The following APOBEC3F variants were observed in gnomAD, a reference collection of about 807,000 sequenced individuals.
APOBEC3F encodes DNA dC->dU-editing enzyme APOBEC-3F.
Under a neutral mutation model 45.8 loss-of-function variants are expected in APOBEC3F, and 34 were observed. That is an observed-to-expected ratio of 0.74 (90% CI 0.57 to 0.99). The LOEUF (loss-of-function observed/expected upper bound fraction) is 0.99. Ranked by LOEUF, APOBEC3F falls within the 50% of genes least tolerant of loss-of-function variation. The pLI, the probability that APOBEC3F is intolerant of heterozygous loss-of-function variation, is 0.00. For missense variants in APOBEC3F, 459 were observed against 474.1 expected, an observed-to-expected ratio of 0.97 and a Z score of 0.30; for synonymous variants, 192 against 174.4, an observed-to-expected ratio of 1.10 and a Z score of -0.80.
chr22:39,049,905 G>A (rs575219594), intron 5 of APOBEC3F, among the ~76,000 whole-genome samples: 7 of 151,484 alleles, frequency 4.6e-5, no homozygotes, highest in Non-Finnish European at 8.8e-5. Flanking sequence ...GTTTCACCGT[G>A]GTGACCAGGC....
intron 4 of APOBEC3F, among the ~76,000 whole-genome samples, chr22:39,045,842 G>A (rs1294050711): frequency 1.3e-5 from 2 of 151,696 alleles, no homozygotes; most frequent in African/African-American, 4.8e-5. Flanking sequence ...TGGCATAATC[G>A]AATTTGTCAT....
At position 39,052,687 on chromosome 22, in the gene APOBEC3F, C is replaced by T; in HGVS notation, c.1114C>T (p.Leu372Phe). ...CCTGGACAGCAAGCTGCAGGAGATT[C>T]TCGAGTGAGGGGTCTCCCCGGGCCT... ...LFLDSKLQEI[L>F]E is the part of the protein sequence containing the mutation. The change falls in exon 7 of 7, where the codon CTC becomes TTC. Residue 372 changes from leucine to phenylalanine, a missense_variant. Physicochemically the swap from Leu to Phe is conservative, Grantham distance 22. Coordinates refer to ENST00000308521, the MANE Select transcript of APOBEC3F (RefSeq NM_145298.6). The T allele has an allele frequency of 6.2e-7, 1 of 1,613,096 alleles. No individual in the cohort carries two copies. The highest frequency in any genetic ancestry group is 8.5e-7 in the Non-Finnish European group (1 of 1,179,306).
chr22:39,047,313 C>A (rs1433079667), intron 4 of APOBEC3F, among the ~76,000 whole-genome samples: 1 of 152,134 alleles, frequency 6.6e-6, no homozygotes, highest in Non-Finnish European at 1.5e-5. Flanking sequence ...ATCCAGGAGT[C>A]CCTCTGGAGG....
At chr22:39,043,298 G>GTTT (rs386353176) in intron 2 of APOBEC3F, among the ~76,000 whole-genome samples, 1 of 120,070 alleles carries the variant, frequency 8.3e-6, no homozygotes, top group African/African-American at 3.2e-5. Flanking sequence ...AAGGCCTTGT[G>GTTT]TTTTTTTTTT....
rs1927534207 is a variant in APOBEC3F at position 39,052,361 on chromosome 22, G to A, written c.1003+8G>A. Reference sequence around the variant, plus strand: ...AGATCATGGGCTACAAAGGTGAGACGTTGGGGGGCTGAGGAGAGTGGGTGC... The same window carrying A: ...AGATCATGGGCTACAAAGGTGAGACATTGGGGGGCTGAGGAGAGTGGGTGC... On this transcript the variant is annotated splice_region_variant and intron_variant, in intron 6 of 6. Coordinates refer to ENST00000308521, the MANE Select transcript of APOBEC3F (RefSeq NM_145298.6). 3 of 1,613,654 alleles carry A rather than the reference G, an allele frequency of 1.9e-6. No homozygotes were observed. The highest frequency in any genetic ancestry group is 2.5e-6 in the Non-Finnish European group (3 of 1,179,568).
intron 4 of APOBEC3F, among the ~76,000 whole-genome samples, chr22:39,047,643 C>G (rs1190530862): frequency 1.3e-5 from 2 of 151,992 alleles, no homozygotes; most frequent in Admixed American, 6.6e-5. Context: ...CTCTGCTGCT[C>G]CCACTACCAG....
At position 39,052,125 on chromosome 22, in the gene APOBEC3F, T is replaced by C. The variant is rs759563733; in HGVS notation, c.775T>C (p.Cys259Arg). 2.5e-6 allele frequency: 4 copies of C among 1,613,548 alleles called. No individual in the cohort carries two copies. The Admixed American group carries it at 6.7e-5, about 27-fold the overall frequency. ...AGAAAGGTGCTTCCTCTCTTGGTTC[T>C]GTGACGACATACTGTCTCCTAACAC... Reference protein sequence around the residue: ...HAERCFLSWFCDDILSPNTNY... With the variant: ...HAERCFLSWFRDDILSPNTNY... Residue 259 changes from cysteine (C) to arginine (R), a missense_variant, in exon 6 of 7, where the codon TGT becomes CGT. Physicochemically the swap from Cys to Arg is radical, Grantham distance 180. Transcript: ENST00000308521.
At chr22:39,042,908 A>G (rs1418585490) in intron 1 of APOBEC3F, 29 bp from the exon 2 acceptor site, 39 of 1,612,736 alleles carry the variant, frequency 2.4e-5, no homozygotes, top group Non-Finnish European at 3.2e-5. Flanking sequence ...CGCTCTCTAC[A>G]TTGGCTGGTT....
In APOBEC3F at chr22:39,054,564, C is replaced by T. The variant is rs1374089817; in HGVS notation, c.*1869C>T. ...CTTAAACTCCTGACCTCAAGTGATC[C>T]AACCTCCTTGGCCTCCCAAATTGCT... On this transcript the variant is annotated 3_prime_UTR_variant, in exon 7 of 7. Coordinates refer to ENST00000308521, the MANE Select transcript of APOBEC3F (RefSeq NM_145298.6). Among the ~76,000 whole-genome samples, 1 of 152,170 alleles carries T rather than the reference C, an allele frequency of 6.6e-6. No homozygotes were observed. The highest frequency in any genetic ancestry group is 2.4e-5 in the African/African-American group (1 of 41,426).
chr22:39,051,354 G>A (rs928443223), intron 5 of APOBEC3F, among the ~76,000 whole-genome samples: 2 of 151,148 alleles, frequency 1.3e-5, no homozygotes, highest in Non-Finnish European at 2.9e-5. Flanking sequence ...TCGCTAACTC[G>A]GTGAAACCCC....
rs1927582780 is a variant in APOBEC3F at position 39,053,210 on chromosome 22, G to C, written c.*515G>C. Reference sequence around the variant, plus strand: ...TGGGTTTCACCATGTTGGCCAGGCTGGTCTTGAACTCCTGACCTCAGGTGA... The same window carrying C: ...TGGGTTTCACCATGTTGGCCAGGCTCGTCTTGAACTCCTGACCTCAGGTGA... On this transcript the variant is annotated 3_prime_UTR_variant, in exon 7 of 7. Transcript: ENST00000308521. 6.6e-6 allele frequency: 1 copy of C among 151,442 alleles called. No individual in the cohort carries two copies. The highest frequency in any genetic ancestry group is 2.4e-5 in the African/African-American group (1 of 41,108). The allele number at this position is 151,442 out of a possible 1,614,324, so 9.4% of individuals were successfully genotyped here.
In APOBEC3F at chr22:39,049,412, A is replaced by G. The variant is rs747403689; in HGVS notation, c.567-13A>G. ...GGGGTCTCTGCATTGGGGTTTCTCTATTGTGCCTTCAGAAACCCGATGGAG... is the reference window on the plus strand; with the variant it reads ...GGGGTCTCTGCATTGGGGTTTCTCTGTTGTGCCTTCAGAAACCCGATGGAG... On this transcript the variant is annotated splice_polypyrimidine_tract_variant and intron_variant, in intron 4 of 6. Coordinates refer to ENST00000308521, the MANE Select transcript of APOBEC3F (RefSeq NM_145298.6). 5 of 1,613,544 alleles carry G rather than the reference A, an allele frequency of 3.1e-6. No individual in the cohort carries two copies. Among genetic ancestry groups the G allele is most frequent in the Non-Finnish European group, 4.2e-6 (5 of 1,179,656 alleles).
At position 39,052,765 on chromosome 22, in the gene APOBEC3F, T is replaced by C; in HGVS notation, c.*70T>C. The C allele has an allele frequency of 6.5e-7, 1 of 1,548,540 alleles. No homozygotes were observed. Among genetic ancestry groups the C allele is most frequent in the South Asian group, 1.3e-5 (1 of 79,372 alleles). On this transcript the variant is annotated 3_prime_UTR_variant, in exon 7 of 7. Coordinates refer to ENST00000308521, the MANE Select transcript of APOBEC3F (RefSeq NM_145298.6). The stretch of plus-strand genomic sequence containing the variant: ...TCATGTTGTGCAGGCCTCCCCTCCA[T>C]CCTGGACCAGCTGTGCTTTTGCCTG...
intron 4 of APOBEC3F, among the ~76,000 whole-genome samples, chr22:39,046,470 C>A (rs750217954): frequency 2.0e-5 from 3 of 152,094 alleles, no homozygotes; most frequent in Non-Finnish European, 4.4e-5. Flanking sequence ...CTTGCTGCAC[C>A]CTGGGCCCCA....
intron 2 of APOBEC3F, chr22:39,044,025 CAAAACAAAAACAA>C: frequency 6.7e-7 from 1 of 1,489,290 alleles, no homozygotes; most frequent in Non-Finnish European, 9.0e-7. Flanking sequence ...AACTACGTCT[CAAAACAAAAACAA>C]AAAACAAAAA....
chr22:39,043,711 A>C (rs914149423), intron 2 of APOBEC3F, among the ~76,000 whole-genome samples: 1 of 151,648 alleles, frequency 6.6e-6, no homozygotes, highest in African/African-American at 2.4e-5. Context: ...TGTCACACTG[A>C]GTCTTTGAAA....
chr22:39,041,793 C>A (rs186477054), intron 1 of APOBEC3F, among the ~76,000 whole-genome samples: 1 of 151,686 alleles, frequency 6.6e-6, no homozygotes, highest in Non-Finnish European at 1.5e-5. Context: ...ACCCAGGAGG[C>A]GGAGGTTGCA....
At chr22:39,044,039 A>G in intron 2 of APOBEC3F, 1 of 1,495,976 alleles carries the variant, frequency 6.7e-7, no homozygotes, top group South Asian at 1.3e-5. Context: ...ACAAAAACAA[A>G]AAACAAAAAA....
In APOBEC3F at chr22:39,040,903, A is replaced by T; in HGVS notation, c.-58A>T. On this transcript the variant is annotated 5_prime_UTR_variant, in exon 1 of 7. Coordinates refer to ENST00000308521, the MANE Select transcript of APOBEC3F (RefSeq NM_145298.6). ...TGTCCTGAAACCTGGAGCCTGGAGC[A>T]GAAAGTGAAACCCTGGTGCTCCAGA... 6.4e-7 allele frequency: 1 copy of T among 1,554,522 alleles called. No individual in the cohort carries two copies. The highest frequency in any genetic ancestry group is 1.4e-5 in the African/African-American group (1 of 73,444).
Sources: allele counts gnomAD v4.1 joint callset (sites outside exome capture counted in the v4.1 genomes callset), GRCh38; gene constraint gnomAD v4.1.1; transcripts MANE v1.5; gene names NCBI Gene and HGNC (gene_info 2026-07-23, HGNC 2026-07-21).